TLDC2: variants seen among roughly 807,000 people sequenced by gnomAD.
TLDC2 encodes TBC/LysM-associated domain containing 2, also known as TLD domain-containing protein 2.
Under a neutral mutation model 27.9 loss-of-function variants are expected in TLDC2, and 23 were observed. The observed-to-expected ratio is 0.82, with a 90% CI of 0.59 to 1.17. The LOEUF (loss-of-function observed/expected upper bound fraction) is 1.17, where lower values mean the gene tolerates loss of function less well. Among genes scored for constraint, TLDC2 ranks in the 50% most tolerant of loss-of-function variants. The pLI, the probability that TLDC2 is intolerant of heterozygous loss-of-function variation, is 0.00. For synonymous variants in TLDC2, 124 were observed against 107.4 expected (o/e 1.16, Z -0.96); for missense variants, 286 against 273.4 (o/e 1.05, Z -0.32).
intron 4 of TLDC2, among the ~76,000 whole-genome samples, chr20:36,880,968 C>A (rs1568749238): frequency 6.6e-6 from 1 of 152,344 alleles, no homozygotes; most frequent in South Asian, 2.1e-4. Flanking sequence ...CAACCGCTGA[C>A]TGGCTGAGAG....
intron 3 of TLDC2, 117 bp downstream of exon 3, chr20:36,879,310 A>G: frequency 1.5e-6 from 2 of 1,325,366 alleles, no homozygotes; most frequent in Non-Finnish European, 2.0e-6. Context: ...AGTCACCTAT[A>G]ATGGACACTG....
In TLDC2 at chr20:36,893,817, T is replaced by G. The variant is rs928914007; in HGVS notation, c.*973T>G. On this transcript the variant is annotated 3_prime_UTR_variant, in exon 7 of 7. Transcript: ENST00000217320. ...ATTTGCTCTCAGATCCATTCTTCAC[T>G]CTTCCTCTCCCTACTCTGTCTCACA... The G allele has an allele frequency of 1.3e-5, 5 of 398,396 alleles. No individual in the cohort carries two copies. The highest frequency in any genetic ancestry group is 1.0e-4 in the African/African-American group (5 of 48,640). The allele number at this position is 398,396 out of a possible 1,614,324, so 24.7% of individuals were successfully genotyped here.
chr20:36,884,673 G>A (rs1429879569), intron 4 of TLDC2, among the ~76,000 whole-genome samples: 3 of 151,538 alleles, frequency 2.0e-5, no homozygotes, highest in Admixed American at 6.6e-5. Context: ...CAGGAGGATC[G>A]CTTGAGCCCA....
Position 36,893,524 on chromosome 20 carries a change from C to A in TLDC2, c.*680C>A. 3.8e-6 allele frequency: 1 copy of A among 263,608 alleles called. No homozygotes were observed. The highest frequency in any genetic ancestry group is 7.1e-6 in the Non-Finnish European group (1 of 140,662). 16.3% of individuals were successfully genotyped at this position (263,608 alleles called of 1,614,324 possible). ...GCAGAATTTAAATTTTTCTCTGCAT[C>A]AAAGCTCTAACGTTGGTCCCATCAG... On this transcript the variant is annotated 3_prime_UTR_variant, in exon 7 of 7. Coordinates refer to ENST00000217320, the MANE Select transcript of TLDC2 (RefSeq NM_080628.3).
intron 6 of TLDC2, chr20:36,891,613 C>G (rs1990075421): frequency 6.6e-6 from 1 of 152,286 alleles, no homozygotes; most frequent in Admixed American, 6.5e-5. Flanking sequence ...CACTCCACTG[C>G]TGGGAAAACG....
rs1255987482 is a variant in TLDC2, at chr20:36,880,764, C to T, written c.438+14C>T. The T allele has an allele frequency of 6.2e-7, 1 of 1,612,246 alleles. No individual in the cohort carries two copies. Among genetic ancestry groups the T allele is most frequent in the Non-Finnish European group, 8.5e-7 (1 of 1,178,322 alleles). On this transcript the variant is annotated intron_variant, in intron 4 of 6. Coordinates refer to ENST00000217320, the MANE Select transcript of TLDC2 (RefSeq NM_080628.3). Reference sequence around the variant, plus strand: ...CCACAGCTGAAGGTGATGTTCCCAACCTTCCATGGGGGGAGTGGGGCGTGT... The same window carrying T: ...CCACAGCTGAAGGTGATGTTCCCAATCTTCCATGGGGGGAGTGGGGCGTGT...
intron 4 of TLDC2, among the ~76,000 whole-genome samples, chr20:36,885,458 C>T (rs868577315): frequency 6.6e-6 from 1 of 152,096 alleles, no homozygotes; most frequent in Non-Finnish European, 1.5e-5. Flanking sequence ...TTCGGTAGTT[C>T]GTTGATTGCT....
chr20:36,876,168 CAGG>C lies in TLDC2; in HGVS notation c.-4_-2del. On this transcript the variant is annotated 5_prime_UTR_variant, in exon 1 of 7. Transcript: ENST00000217320. ...CTGCCCACGGCCGGCTGAGCAGGGA[CAGG>C]AGAATGAGAGGCCTCCGCTGGCGTT... is the stretch of plus-strand genomic sequence containing the variant. 3 of 1,614,162 alleles carry C rather than the reference CAGG, an allele frequency of 1.9e-6. No individual in the cohort carries two copies. Among genetic ancestry groups the C allele is most frequent in the Non-Finnish European group, 2.5e-6 (3 of 1,180,002 alleles).
chr20:36,883,537 C>G (rs867521523), intron 4 of TLDC2, among the ~76,000 whole-genome samples: 1 of 152,174 alleles, frequency 6.6e-6, no homozygotes, highest in South Asian at 2.1e-4. Context: ...AAGTGAATGG[C>G]ATCTCCATCT....
chr20:36,879,290 T>A (rs1989749415), intron 3 of TLDC2, 97 bp downstream of exon 3: 1 of 1,449,536 alleles, frequency 6.9e-7, no homozygotes, highest in African/African-American at 1.4e-5. Flanking sequence ...GCAGGCAGAG[T>A]GACAGACTAA....
intron 4 of TLDC2, 48 bp from the exon 5 acceptor site, chr20:36,887,407 G>A: frequency 6.5e-7 from 1 of 1,546,806 alleles, no homozygotes; most frequent in Non-Finnish European, 8.9e-7. Flanking sequence ...CTGCAAGGGC[G>A]GGACTCGCTC....
At chr20:36,884,913 T>C (rs1175734701) in intron 4 of TLDC2, among the ~76,000 whole-genome samples, 2 of 138,630 alleles carry the variant, frequency 1.4e-5, no homozygotes, top group African/African-American at 5.3e-5. Flanking sequence ...AGTTTTGCTC[T>C]TGTTGCCCAG....
chr20:36,881,065 G>A (rs947485104), intron 4 of TLDC2, among the ~76,000 whole-genome samples: 4 of 152,176 alleles, frequency 2.6e-5, no homozygotes, highest in Admixed American at 2.0e-4. Context: ...GACGACAAAG[G>A]AGGACACAGC....
intron 3 of TLDC2, among the ~76,000 whole-genome samples, chr20:36,880,070 C>CAT (rs1186641126): frequency 0.067 from 4,924 of 72,952 alleles, 302 homozygotes; most frequent in African/African-American, 0.14. Flanking sequence ...TATATATATA[C>CAT]ATATATATAT....
rs943082895 is a variant in TLDC2 at position 36,879,929 on chromosome 20, C to T, written c.343-726C>T. On this transcript the variant is annotated intron_variant, in intron 3 of 6. Transcript: ENST00000217320. ...ATGTACACTGGCATTAAACTGATGT[C>T]AGAAGGAAACATACCAAAATATTAA... Among the ~76,000 whole-genome samples the T allele has an allele frequency of 7.1e-4, 107 of 150,126 alleles. 1 individual carries two copies. Among genetic ancestry groups the T allele is most frequent in the African/African-American group, 2.5e-3 (104 of 40,954 alleles).
At chr20:36,878,703 A>G (rs1354819225) in intron 2 of TLDC2, among the ~76,000 whole-genome samples, 1 of 151,934 alleles carries the variant, frequency 6.6e-6, no homozygotes, top group East Asian at 1.9e-4. Context: ...CATCTTTCCT[A>G]TTCTCTAGCC....
At position 36,893,780 on chromosome 20, in the gene TLDC2, C is replaced by G. The variant is rs1990138925; in HGVS notation, c.*936C>G. On this transcript the variant is annotated 3_prime_UTR_variant, in exon 7 of 7. Transcript: ENST00000217320. ...CAATGCTGGTGGGAGGATTCGTGCTCCTCATCTGCTTATTTGCTCTCAGAT... is the reference window on the plus strand; with the variant it reads ...CAATGCTGGTGGGAGGATTCGTGCTGCTCATCTGCTTATTTGCTCTCAGAT... 3 of 397,164 alleles carry G rather than the reference C, an allele frequency of 7.6e-6. No individual in the cohort carries two copies. The highest frequency in any genetic ancestry group is 6.2e-5 in the African/African-American group (3 of 48,622). The allele number at this position is 397,164 out of a possible 1,614,324, so 24.6% of individuals were successfully genotyped here.
chr20:36,883,610 C>G (rs1989860746), intron 4 of TLDC2, among the ~76,000 whole-genome samples: 1 of 152,198 alleles, frequency 6.6e-6, no homozygotes, highest in Admixed American at 6.5e-5. Context: ...AACCCCACAT[C>G]TGAGCTGTCA....
chr20:36,889,120 C>A, intron 5 of TLDC2, 131 bp from the exon 6 acceptor site: 1 of 1,303,894 alleles, frequency 7.7e-7, no homozygotes, highest in Non-Finnish European at 1.1e-6. Context: ...GTATAAATTG[C>A]TTTAAGGGGC....
Sources: gnomAD v4.1 joint callset for allele counts (sites outside exome capture counted in the v4.1 genomes callset) on GRCh38, gnomAD v4.1.1 for gene constraint, MANE v1.5 for transcripts, NCBI Gene and HGNC (gene_info 2026-07-23, HGNC 2026-07-21) for gene names.